The following TRPM3 variants were observed in gnomAD, a reference collection of about 807,000 sequenced individuals.
TRPM3 encodes long transient receptor potential channel 3.
A neutral mutation model predicts 181.2 loss-of-function variants in TRPM3; 77 were observed. The observed-to-expected ratio is 0.42, with a 90% confidence interval of 0.35 to 0.51. The LOEUF (loss-of-function observed/expected upper bound fraction) is 0.51, where lower values mean the gene tolerates loss of function less well. Ranked by LOEUF, TRPM3 falls within the 20% of genes least tolerant of loss-of-function variation. TRPM3 has a pLI of 0.01. For synonymous variants in TRPM3, 745 were observed against 796.4 expected, an observed-to-expected ratio of 0.94 and a Z score of 1.09; for missense variants, 1,759 against 2,196.7, an observed-to-expected ratio of 0.80 and a Z score of 3.98.
At chr9:71,078,830 A>G (rs1011515652) in intron 1 of TRPM3, among the ~76,000 whole-genome samples, 2 of 141,668 alleles carry the variant, frequency 1.4e-5, no homozygotes, top group African/African-American at 4.9e-5. Flanking sequence ...ATAAATGCAG[A>G]AAGAAATCAA....
chr9:70,754,719 T>C (rs1329418577), intron 8 of TRPM3, among the ~76,000 whole-genome samples: 1 of 152,190 alleles, frequency 6.6e-6, no homozygotes, highest in East Asian at 1.9e-4. Flanking sequence ...ACGGTTAGAC[T>C]GGCCTCATAA....
chr9:70,550,074 A>G (rs1009959124), intron 24 of TRPM3, among the ~76,000 whole-genome samples: 1 of 152,154 alleles, frequency 6.6e-6, no homozygotes, highest in Non-Finnish European at 1.5e-5. Context: ...CCCTTTTGCA[A>G]CCTCATTCTC....
intron 22 of TRPM3, among the ~76,000 whole-genome samples, chr9:70,573,623 A>G (rs536564128): frequency 6.6e-6 from 1 of 152,296 alleles, no homozygotes; most frequent in South Asian, 2.1e-4. Context: ...ACAAAAAACA[A>G]AAAAACCAAA....
Position 70,595,561 on chromosome 9 carries a change from A to T in TRPM3, c.3048+2858T>A, listed in dbSNP as rs557436192. On this transcript the variant is annotated intron_variant, in intron 21 of 25. Transcript: ENST00000677713. ...GGTTGAGAAAATGTGGCCTAATTTT[A>T]TAGCTATTATAGTTCTTTGCTTTCA... is the stretch of plus-strand genomic sequence containing the variant. Among the ~76,000 whole-genome samples, 47 of 152,326 alleles carry T rather than the reference A, an allele frequency of 3.1e-4. 1 individual carries two copies. Among genetic ancestry groups the T allele is most frequent in the African/African-American group, 9.4e-4 (39 of 41,570 alleles).
At chr9:70,756,033 C>T (rs1250527309) in intron 8 of TRPM3, among the ~76,000 whole-genome samples, 2 of 151,894 alleles carry the variant, frequency 1.3e-5, no homozygotes, top group African/African-American at 2.4e-5. Flanking sequence ...AACTTTGAGA[C>T]TCATCGGTAT....
At chr9:71,094,707 G>A (rs567339636) in intron 1 of TRPM3, among the ~76,000 whole-genome samples, 15 of 152,082 alleles carry the variant, frequency 9.9e-5, no homozygotes, top group Admixed American at 5.2e-4. Flanking sequence ...AATGCATTCG[G>A]TGCATAAAAG....
At chr9:71,381,256 G>C (rs1425312320) in intron 1 of TRPM3, among the ~76,000 whole-genome samples, 1 of 152,106 alleles carries the variant, frequency 6.6e-6, no homozygotes, top group Non-Finnish European at 1.5e-5. Context: ...AAATCTAAAA[G>C]TACTAGTAAC....
At chr9:71,083,662 G>T (rs957846719) in intron 1 of TRPM3, among the ~76,000 whole-genome samples, 4 of 151,034 alleles carry the variant, frequency 2.6e-5, no homozygotes, top group Non-Finnish European at 5.9e-5. Flanking sequence ...ACATTAAAGG[G>T]CATTTATTGT....
intron 17 of TRPM3, among the ~76,000 whole-genome samples, chr9:70,617,888 C>CT (rs2063030057): frequency 6.6e-6 from 1 of 152,154 alleles, no homozygotes; most frequent in Non-Finnish European, 1.5e-5. Context: ...TCGCTTGAAC[C>CT]TGGGAGGTGG....
chr9:70,959,213 T>C (rs1034456811), intron 1 of TRPM3, among the ~76,000 whole-genome samples: 60 of 152,150 alleles, frequency 3.9e-4, no homozygotes, highest in African/African-American at 1.4e-3. Context: ...TAGTAAATAT[T>C]TGCTTGTGTA....
At chr9:70,550,965 G>C (rs547606334) in intron 24 of TRPM3, among the ~76,000 whole-genome samples, 2 of 152,144 alleles carry the variant, frequency 1.3e-5, no homozygotes, top group African/African-American at 2.4e-5. Context: ...AAGAAAAGAG[G>C]CAGTTTAGAG....
intron 1 of TRPM3, among the ~76,000 whole-genome samples, chr9:71,211,717 G>A (rs1264027280): frequency 6.6e-6 from 1 of 152,072 alleles, no homozygotes; most frequent in East Asian, 1.9e-4. Flanking sequence ...CTCCCTATAT[G>A]TGTGTCTATG....
At chr9:71,258,668 C>A (rs2082832781) in intron 1 of TRPM3, among the ~76,000 whole-genome samples, 1 of 152,142 alleles carries the variant, frequency 6.6e-6, no homozygotes, top group Non-Finnish European at 1.5e-5. Context: ...TGTGCGATTG[C>A]TGGCCAGTGG....
At chr9:71,285,611 A>C (rs1251747094) in intron 1 of TRPM3, among the ~76,000 whole-genome samples, 2 of 152,226 alleles carry the variant, frequency 1.3e-5, no homozygotes, top group African/African-American at 4.8e-5. Flanking sequence ...ATTTCATCTC[A>C]GGGCTACTTA....
rs78587395 is a variant in TRPM3, at chr9:70,754,565, C to T, written c.1272+7036G>A. On this transcript the variant is annotated intron_variant, in intron 8 of 25. Transcript: ENST00000677713. ...GGCTGCCCCACCTAGCTTGAAATTG[C>T]AGGCCCAGGGAATATTTTTCATGAG... Among the ~76,000 whole-genome samples the T allele has an allele frequency of 3.3e-3, 503 of 152,160 alleles. 3 individuals carry two copies. Among genetic ancestry groups the T allele is most frequent in the Middle Eastern group, 0.014 (4 of 294 alleles).
intron 9 of TRPM3, among the ~76,000 whole-genome samples, chr9:70,668,390 C>T (rs975466498): frequency 2.6e-5 from 4 of 152,074 alleles, no homozygotes; most frequent in Non-Finnish European, 5.9e-5. Context: ...CTGGGCCGGG[C>T]GCGGTGGCTC....
At chr9:71,112,079 T>C (rs982573707) in intron 1 of TRPM3, among the ~76,000 whole-genome samples, 2 of 152,160 alleles carry the variant, frequency 1.3e-5, no homozygotes, top group African/African-American at 4.8e-5. Flanking sequence ...AATATTTCAG[T>C]TGGGTAGAGC....
chr9:70,621,006 C>T (rs2063529989), intron 15 of TRPM3, among the ~76,000 whole-genome samples: 1 of 146,428 alleles, frequency 6.8e-6, no homozygotes, highest in Non-Finnish European at 1.5e-5. Flanking sequence ...CCTTATGACA[C>T]ATTATATATA....
chr9:70,916,066 T>C (rs903577374), intron 1 of TRPM3, among the ~76,000 whole-genome samples: 1 of 152,304 alleles, frequency 6.6e-6, no homozygotes, highest in East Asian at 1.9e-4. Context: ...GGAAACCTTA[T>C]AGGCCAGGAG....
Sources: gnomAD v4.1 joint callset for allele counts (sites outside exome capture counted in the v4.1 genomes callset) on GRCh38, gnomAD v4.1.1 for gene constraint, MANE v1.5 for transcripts, NCBI Gene and HGNC (gene_info 2026-07-23, HGNC 2026-07-21) for gene names.